Variants in ZNF57 observed in about 807,000 individuals in gnomAD.
ZNF57 encodes zinc finger protein 424.
Under a neutral mutation model 13.4 loss-of-function variants are expected in ZNF57, and 11 were observed. That is an observed-to-expected ratio of 0.82 (90% CI 0.52 to 1.36). The LOEUF (loss-of-function observed/expected upper bound fraction) is 1.36, where lower values mean the gene tolerates loss of function less well. Ranked by LOEUF, ZNF57 falls within the 40% of genes most tolerant of loss-of-function variation. The pLI is 0.00. For missense variants in ZNF57, 696 were observed against 667.5 expected (o/e 1.04, Z -0.47); for synonymous variants, 224 against 238.5 (o/e 0.94, Z 0.56).
chr19:2,900,951 T>A lies in ZNF57; in HGVS notation c.-95T>A. On this transcript the variant is annotated 5_prime_UTR_variant, in exon 1 of 4. Coordinates refer to ENST00000306908, the MANE Select transcript of ZNF57 (RefSeq NM_173480.3). ...TCCTCCCTGCCGCGCGTGCCCTGCC[T>A]ACCACGAGCGGCCCGGGAGTACCTG... 6.7e-7 allele frequency: 1 copy of A among 1,502,142 alleles called. No individual in the cohort carries two copies. Among genetic ancestry groups the A allele is most frequent in the Non-Finnish European group, 9.0e-7 (1 of 1,110,492 alleles). The allele number at this position is 1,502,142 out of a possible 1,614,324, so 93.1% of individuals were successfully genotyped here. A position where few individuals can be genotyped will look rare whatever the true frequency, so the allele number is the denominator to read the frequency against.
At chr19:2,915,767 G>A in intron 2 of ZNF57, 119 bp downstream of exon 2, 1 of 1,454,060 alleles carries the variant, frequency 6.9e-7, no homozygotes, top group Non-Finnish European at 9.6e-7. Context: ...CAGCCACCAT[G>A]GACCTAGAAT....
chr19:2,918,425 T>A lies in ZNF57; in HGVS notation c.*136T>A. 1.1e-6 allele frequency: 1 copy of A among 925,398 alleles called. No homozygotes were observed. The highest frequency in any genetic ancestry group is 1.6e-6 in the Non-Finnish European group (1 of 635,184). 57.3% of individuals were successfully genotyped at this position (925,398 alleles called of 1,614,324 possible). Reference sequence around the variant, plus strand: ...TACCTCATTTGTAAAACAGACCCATTAGTCGTGAATTTCCAGCTCTTTCAA... The same window carrying A: ...TACCTCATTTGTAAAACAGACCCATAAGTCGTGAATTTCCAGCTCTTTCAA... On this transcript the variant is annotated 3_prime_UTR_variant, in exon 4 of 4. Transcript: ENST00000306908.
At chr19:2,914,843 T>C (rs879367238) in intron 1 of ZNF57, among the ~76,000 whole-genome samples, 19 of 152,210 alleles carry the variant, frequency 1.2e-4, no homozygotes, top group Non-Finnish European at 2.5e-4. Context: ...TCTGTAGTCA[T>C]GTCCCTTTGC....
In ZNF57 at chr19:2,917,918, T is replaced by C; in HGVS notation, c.1297T>C (p.Ser433Pro). Residue 433 changes from serine (S) to proline (P), a missense_variant, in exon 4 of 4, where the codon TCA becomes CCA. Ser to Pro is a moderately conservative substitution (Grantham distance 74). Around this residue, in one of 3 missense-constraint regions of ZNF57, gnomAD observed 645 missense variants for 591.5 expected, o/e 1.09. Transcript: ENST00000306908. ...ATGTGGAAAAACCTTCACTTGGTCC[T>C]CAACGTTTAGAGAACATGTGAGAAT... ...KQCGKTFTWS[S>P]TFREHVRIHT... 6.2e-7 allele frequency: 1 copy of C among 1,613,712 alleles called. No homozygotes were observed. The highest frequency in any genetic ancestry group is 8.5e-7 in the Non-Finnish European group (1 of 1,179,928).
At position 2,902,130 on chromosome 19, in the gene ZNF57, C is replaced by T. The variant is rs1018626006; in HGVS notation, c.3+1082C>T. 1.7e-4 allele frequency among the ~76,000 whole-genome samples: 23 copies of T among 139,336 alleles called. No homozygotes were observed. The Admixed American group carries it at 1.8e-3, about 11-fold the overall frequency. 91.4% of individuals were successfully genotyped at this position (139,336 alleles called of 152,430 possible). ...TTATCACAAGGGCGGGGGGCTTGAC[C>T]ATGGTGCGGCCAGCTCAGAGAACCT... On this transcript the variant is annotated intron_variant, in intron 1 of 3. Coordinates refer to ENST00000306908, the MANE Select transcript of ZNF57 (RefSeq NM_173480.3).
chr19:2,912,703 T>A (rs563971683), intron 1 of ZNF57, among the ~76,000 whole-genome samples: 1 of 152,332 alleles, frequency 6.6e-6, no homozygotes, highest in African/African-American at 2.4e-5. Flanking sequence ...CTAGAAGTCA[T>A]TTAACTTTTA....
chr19:2,916,725 A>G (rs1337489433), intron 3 of ZNF57, 199 bp from the exon 4 acceptor site: 1 of 435,162 alleles, frequency 2.3e-6, no homozygotes, highest in Non-Finnish European at 3.9e-6. Flanking sequence ...CAAAAAATAA[A>G]TAAATAAAAA....
chr19:2,906,871 G>C (rs891637573), intron 1 of ZNF57, among the ~76,000 whole-genome samples: 1 of 152,196 alleles, frequency 6.6e-6, no homozygotes, highest in African/African-American at 2.4e-5. Flanking sequence ...CGGGCAGAGA[G>C]GCACAGGGCC....
At chr19:2,908,682 T>C (rs62125393) in intron 1 of ZNF57, among the ~76,000 whole-genome samples, 18,292 of 151,800 alleles carry the variant, frequency 0.12, 1,264 homozygotes, top group South Asian at 0.17. Context: ...GGATGACAGG[T>C]GTGAGCCACT....
chr19:2,905,757 T>A (rs2088069881), intron 1 of ZNF57, among the ~76,000 whole-genome samples: 1 of 86,338 alleles, frequency 1.2e-5, no homozygotes, highest in African/African-American at 3.7e-5. Flanking sequence ...AGAGCAAGAC[T>A]CTGTCTCAAA....
chr19:2,916,839 G>C (rs1213490431), intron 3 of ZNF57, 85 bp from the exon 4 acceptor site: 5 of 1,199,198 alleles, frequency 4.2e-6, no homozygotes, highest in Non-Finnish European at 5.8e-6. Flanking sequence ...AATGTAGTTA[G>C]ACATTATTTC....
chr19:2,905,409 C>CCCCCA (rs1555677374), intron 1 of ZNF57, among the ~76,000 whole-genome samples: 1 of 65,394 alleles, frequency 1.5e-5, no homozygotes, highest in African/African-American at 5.1e-5. Context: ...AGGTGATCGC[C>CCCCCA]CCCCCCCCCT....
At chr19:2,902,109 C>G (rs1462919303) in intron 1 of ZNF57, among the ~76,000 whole-genome samples, 1 of 147,368 alleles carries the variant, frequency 6.8e-6, no homozygotes, top group Non-Finnish European at 1.5e-5. Context: ...AGTACATTAT[C>G]ACAAGGGCGG....
chr19:2,913,676 TG>T (rs1233921675), intron 1 of ZNF57, among the ~76,000 whole-genome samples: 1 of 139,082 alleles, frequency 7.2e-6, no homozygotes, highest in African/African-American at 2.5e-5. Context: ...TTTTTTTTGG[TG>T]GGGGGAGACT....
intron 1 of ZNF57, among the ~76,000 whole-genome samples, chr19:2,913,831 G>C (rs1034662170): frequency 6.6e-6 from 1 of 152,136 alleles, no homozygotes; most frequent in Non-Finnish European, 1.5e-5. Flanking sequence ...AGTAGAGACA[G>C]GGTCTCACTA....
rs755962931 is a variant in ZNF57 at position 2,917,688 on chromosome 19, G to A, written c.1067G>A (p.Arg356Lys). The A allele has an allele frequency of 1.2e-6, 2 of 1,613,622 alleles. No homozygotes were observed. Among genetic ancestry groups the A allele is most frequent in the Admixed American group, 3.3e-5 (2 of 59,938 alleles). ...TSSRSFQGHL[R>K]THTGEKPYEC... ...TCCAGATCATTCCAAGGTCATTTGA[G>A]GACGCACACTGGAGAGAAACCTTAT... The change falls in exon 4 of 4, where the codon AGG becomes AAG. Residue 356 changes from arginine (R) to lysine (K), a missense_variant. Coordinates refer to ENST00000306908, the MANE Select transcript of ZNF57 (RefSeq NM_173480.3).
At chr19:2,915,379 G>C (rs749963892) in intron 1 of ZNF57, 143 bp from the exon 2 acceptor site, 17 of 1,132,004 alleles carry the variant, frequency 1.5e-5, no homozygotes, top group Non-Finnish European at 2.1e-5. Flanking sequence ...AAGTGATTGT[G>C]AATAAGTAAA....
intron 1 of ZNF57, among the ~76,000 whole-genome samples, chr19:2,910,747 A>G (rs1352954077): frequency 1.8e-5 from 2 of 108,150 alleles, no homozygotes; most frequent in African/African-American, 6.3e-5. Flanking sequence ...GGCGTGAGCC[A>G]ATGCGCCTGG....
At chr19:2,916,823 T>C in intron 3 of ZNF57, 101 bp from the exon 4 acceptor site, 1 of 1,031,798 alleles carries the variant, frequency 9.7e-7, no homozygotes, top group Non-Finnish European at 1.4e-6. Context: ...ACTTCACGTA[T>C]ACTGAAATGT....
Sources: allele counts gnomAD v4.1 joint callset (sites outside exome capture counted in the v4.1 genomes callset), GRCh38; gene constraint gnomAD v4.1.1; regional missense constraint gnomAD v4.1.1; transcripts MANE v1.5; gene names NCBI Gene and HGNC (gene_info 2026-07-23, HGNC 2026-07-21).